Variants in ZNF529 observed in about 807,000 individuals in gnomAD.
ZNF529 encodes the protein zinc finger protein 529.
Under a neutral mutation model 10.1 loss-of-function variants are expected in ZNF529, and 11 were observed. The ratio of observed to expected loss-of-function variants is 1.09; its 90% CI spans 0.69 to 1.81. The LOEUF (loss-of-function observed/expected upper bound fraction) is 1.81, where lower values mean the gene tolerates loss of function less well. Ranked by LOEUF, ZNF529 falls within the 40% of genes most tolerant of loss-of-function variation. The probability of loss-of-function intolerance (pLI) is 0.00; values close to 1 mark genes in which losing one functional copy is unlikely to be tolerated. For missense variants in ZNF529, 624 were observed against 666.8 expected, an observed-to-expected ratio of 0.94 and a Z score of 0.71; for synonymous variants, 204 against 215.7, an observed-to-expected ratio of 0.95 and a Z score of 0.47.
chr19:36,564,691 T>C (rs536314523), intron 2 of ZNF529, among the ~76,000 whole-genome samples: 5 of 152,240 alleles, frequency 3.3e-5, no homozygotes, highest in African/African-American at 1.2e-4. Flanking sequence ...AGTTTGGAGA[T>C]TTCTCAAATA....
intron 1 of ZNF529, among the ~76,000 whole-genome samples, chr19:36,590,246 ATGGCTG>A (rs748286060): frequency 1.1e-4 from 17 of 152,078 alleles, no homozygotes; most frequent in Non-Finnish European, 1.6e-4. Flanking sequence ...GTGCAATTGC[ATGGCTG>A]TGGTCCCAGC....
chr19:36,598,417 TAGG>T (rs1414054884), intron 1 of ZNF529, among the ~76,000 whole-genome samples: 2 of 151,418 alleles, frequency 1.3e-5, no homozygotes, highest in African/African-American at 4.9e-5. Context: ...GAGGCTGAGG[TAGG>T]AGGGTAGCTT....
intron 4 of ZNF529, among the ~76,000 whole-genome samples, chr19:36,552,554 G>T (rs1002653964): frequency 2.0e-5 from 3 of 152,200 alleles, no homozygotes; most frequent in Admixed American, 6.5e-5. Context: ...GATAGGCTTT[G>T]TGCTTTGGCA....
At chr19:36,552,197 A>G (rs1475723117) in intron 4 of ZNF529, among the ~76,000 whole-genome samples, 1 of 152,066 alleles carries the variant, frequency 6.6e-6, no homozygotes, top group Non-Finnish European at 1.5e-5. Flanking sequence ...TTGGGAGGCC[A>G]AGGCGGGCAG....
rs550053062 is a variant in ZNF529 at position 36,568,309 on chromosome 19, G to T, written c.14+4024C>A. Among the ~76,000 whole-genome samples, 5 of 152,230 alleles carry T rather than the reference G, an allele frequency of 3.3e-5. No homozygotes were observed. The South Asian group carries it at 1.0e-3, about 32-fold the overall frequency. ...AGTGAATTTGTTGATTATGTTACTT[G>T]TGCTCTTACTCCATCTCTAGTGCAG... is the stretch of plus-strand genomic sequence containing the variant. On this transcript the variant is annotated intron_variant, in intron 2 of 4. Transcript: ENST00000591340.
intron 1 of ZNF529, among the ~76,000 whole-genome samples, chr19:36,592,284 C>CAAAAAAAAA (rs35717465): frequency 2.0e-5 from 1 of 49,850 alleles, no homozygotes; most frequent in Non-Finnish European, 3.5e-5. Context: ...GACTTTGTCT[C>CAAAAAAAAA]AAAAAAAAAA....
At position 36,547,035 on chromosome 19, in the gene ZNF529, C is replaced by T. The variant is rs371970294; in HGVS notation, c.1523G>A (p.Cys508Tyr). The T allele has an allele frequency of 2.5e-6, 4 of 1,613,900 alleles. No homozygotes were observed. The highest frequency in any genetic ancestry group is 3.4e-6 in the Non-Finnish European group (4 of 1,179,976). The change falls in exon 5 of 5, where the codon TGC (cysteine) becomes TAC (tyrosine). Residue 508 changes from cysteine to tyrosine, a missense_variant. By Grantham distance (194) the Cys-to-Tyr change is radical (BLOSUM62 -2). Transcript: ENST00000591340. ...TCTAAAGGCCTTCCCACATGCCTTGCATTCATAGGGTTTTTCTCCAGTATG... is the reference window on the plus strand; with the variant it reads ...TCTAAAGGCCTTCCCACATGCCTTGTATTCATAGGGTTTTTCTCCAGTATG... Reference protein sequence around the residue: ...RIHTGEKPYECKACGKAFRHS... With the variant: ...RIHTGEKPYEYKACGKAFRHS...
chr19:36,548,354 C>T (rs765356311), intron 4 of ZNF529, 32 bp from the exon 5 acceptor site: 3 of 1,476,670 alleles, frequency 2.0e-6, no homozygotes, highest in South Asian at 2.8e-5. Flanking sequence ...TTTTCATGTA[C>T]TACAAAAATA....
rs1178146003 is a variant in ZNF529, at chr19:36,547,155, T to C, written c.1403A>G (p.His468Arg). The C allele has an allele frequency of 6.2e-7, 1 of 1,613,440 alleles. No individual in the cohort carries two copies. ...TTTCTCACCACTATGAATTCTTTGATGTTGAATAAGGGCTGACGTAAGTCT... is the reference window on the plus strand; with the variant it reads ...TTTCTCACCACTATGAATTCTTTGACGTTGAATAAGGGCTGACGTAAGTCT... The part of the protein sequence containing the change: ...FFRLTSALIQ[H>R]QRIHSGEKPY... Residue 468 changes from histidine to arginine, a missense_variant, in exon 5 of 5, where the codon CAT (histidine) becomes CGT (arginine). Transcript: ENST00000591340.
chr19:36,586,380 G>A (rs1328714855), intron 2 of ZNF529, among the ~76,000 whole-genome samples: 1 of 152,112 alleles, frequency 6.6e-6, no homozygotes, highest in Non-Finnish European at 1.5e-5. Flanking sequence ...GCCGAGGCAG[G>A]TGGATCATGA....
In ZNF529 at chr19:36,566,687, C is replaced by T. The variant is rs200821489; in HGVS notation, c.14+5646G>A. ...GAGTTGCGATTGCACCACTGAACTCCAGCCTGGGTGATGGAATGATACCTT... is the reference window on the plus strand; with the variant it reads ...GAGTTGCGATTGCACCACTGAACTCTAGCCTGGGTGATGGAATGATACCTT... On this transcript the variant is annotated intron_variant, in intron 2 of 4. Transcript: ENST00000591340. Among the ~76,000 whole-genome samples, 12 of 151,668 alleles carry T rather than the reference C, an allele frequency of 7.9e-5. No homozygotes were observed. The East Asian group carries it at 2.1e-3, about 27-fold the overall frequency.
At chr19:36,580,007 T>G (rs1276789112) in intron 2 of ZNF529, among the ~76,000 whole-genome samples, 4 of 152,198 alleles carry the variant, frequency 2.6e-5, no homozygotes, top group Admixed American at 6.5e-5. Flanking sequence ...CTATAGGCTT[T>G]TTTCTATTTA....
chr19:36,550,039 C>T (rs2035199677), intron 4 of ZNF529, among the ~76,000 whole-genome samples: 1 of 152,172 alleles, frequency 6.6e-6, no homozygotes, highest in Non-Finnish European at 1.5e-5. Flanking sequence ...TGGAGATCAT[C>T]TGGAGGCCAA....
chr19:36,597,718 CTG>C (rs1412162818), intron 1 of ZNF529, among the ~76,000 whole-genome samples: 1 of 152,142 alleles, frequency 6.6e-6, no homozygotes, highest in Non-Finnish European at 1.5e-5. Context: ...GATAAATAAT[CTG>C]TGCCACATCC....
intron 2 of ZNF529, among the ~76,000 whole-genome samples, chr19:36,559,736 C>T (rs576717611): frequency 1.3e-5 from 2 of 152,262 alleles, no homozygotes; most frequent in African/African-American, 2.4e-5. Flanking sequence ...TGTGTGTATA[C>T]ATATATGTAT....
At chr19:36,555,491 T>A (rs1187904980) in intron 3 of ZNF529, among the ~76,000 whole-genome samples, 1 of 42,824 alleles carries the variant, frequency 2.3e-5, no homozygotes, top group Non-Finnish European at 4.5e-5. Context: ...AGAGACGGGG[T>A]TTCACCTTGT....
chr19:36,567,145 A>G (rs549029342), intron 2 of ZNF529, among the ~76,000 whole-genome samples: 2 of 152,342 alleles, frequency 1.3e-5, no homozygotes, highest in East Asian at 3.9e-4. Flanking sequence ...GAATATGGAT[A>G]GATATATTCA....
intron 2 of ZNF529, among the ~76,000 whole-genome samples, chr19:36,564,402 C>G (rs1379716012): frequency 6.6e-6 from 1 of 152,088 alleles, no homozygotes; most frequent in Non-Finnish European, 1.5e-5. Flanking sequence ...AACAATTCAA[C>G]AAGCAGAAAA....
In ZNF529 at chr19:36,579,993, T is replaced by C. The variant is rs569752232; in HGVS notation, c.-41+9622A>G. ...AGCAACACAAAAATATTTCTGTCCT[T>C]ATTCTATAGGCTTTTTTCTATTTAA... On this transcript the variant is annotated intron_variant, in intron 2 of 4. Transcript: ENST00000585960. Among the ~76,000 whole-genome samples, 13 of 152,304 alleles carry C rather than the reference T, an allele frequency of 8.5e-5. No individual in the cohort carries two copies. The East Asian group carries it at 1.9e-3, about 23-fold the overall frequency.
Sources: gnomAD v4.1 joint callset for allele counts (sites outside exome capture counted in the v4.1 genomes callset) on GRCh38, gnomAD v4.1.1 for gene constraint, MANE v1.5 for transcripts, NCBI Gene and HGNC (gene_info 2026-07-23, HGNC 2026-07-21) for gene names.